Variants in STAG1 observed in about 807,000 individuals in gnomAD.
STAG1 encodes cohesin subunit SA-1.
Under a neutral mutation model 170.9 loss-of-function variants are expected in STAG1, and 26 were observed. That is an observed-to-expected ratio of 0.15 (90% CI 0.11 to 0.21). The LOEUF (loss-of-function observed/expected upper bound fraction) is 0.21, where lower values mean the gene tolerates loss of function less well. STAG1 is among the 10% of genes least tolerant of loss of function. STAG1 has a pLI of 1.00. For synonymous variants in STAG1, 514 were observed against 497.7 expected (o/e 1.03, Z -0.44); for missense variants, 964 against 1,509.5 (o/e 0.64, Z 5.99).
At chr3:136,500,807 G>T (rs1044957762) in intron 8 of STAG1, among the ~76,000 whole-genome samples, 3 of 152,118 alleles carry the variant, frequency 2.0e-5, no homozygotes, top group Non-Finnish European at 4.4e-5. Flanking sequence ...AAGGATCCTG[G>T]CTACTTATGG....
chr3:136,367,038 T>C lies in STAG1; in HGVS notation c.2590A>G (p.Lys864Glu). 1 of 1,611,148 alleles carries C rather than the reference T, an allele frequency of 6.2e-7. No homozygotes were observed. Among genetic ancestry groups the C allele is most frequent in the Non-Finnish European group, 8.5e-7 (1 of 1,177,958 alleles). The change falls in exon 25 of 34, where the codon AAA becomes GAA. Residue 864 changes from lysine to glutamate, a missense_variant. Lys to Glu is a moderately conservative substitution (Grantham distance 56, BLOSUM62 1). Transcript: ENST00000383202. The part of the protein sequence containing the change: ...DEANKIEALH[K>E]RRNLLAAFSK... ...AAAGCAGCAAGTAGATTCCTTCTTT[T>C]ATGTAAGGCCTCAATTTTATTAGCT...
chr3:136,409,257 CTG>C (rs1256686404), intron 21 of STAG1, among the ~76,000 whole-genome samples: 1 of 152,092 alleles, frequency 6.6e-6, no homozygotes, highest in East Asian at 1.9e-4. Flanking sequence ...GCACAAGACT[CTG>C]TCTCCAAAAA....
At chr3:136,515,842 C>T (rs1190455530) in intron 7 of STAG1, among the ~76,000 whole-genome samples, 3 of 152,046 alleles carry the variant, frequency 2.0e-5, no homozygotes, top group Non-Finnish European at 2.9e-5. Flanking sequence ...ATTTCACCAA[C>T]TATTGGGCAT....
intron 3 of STAG1, among the ~76,000 whole-genome samples, chr3:136,614,789 A>G (rs1939498174): frequency 6.6e-6 from 1 of 151,298 alleles, no homozygotes; most frequent in Admixed American, 6.6e-5. Flanking sequence ...AAGTTTTAAG[A>G]AACAAAGATA....
intron 3 of STAG1, among the ~76,000 whole-genome samples, chr3:136,618,315 G>T (rs1939688206): frequency 6.6e-6 from 1 of 152,206 alleles, no homozygotes; most frequent in Non-Finnish European, 1.5e-5. Context: ...TGACACAGCA[G>T]CAGGCGCCAC....
chr3:136,467,473 T>A (rs1576497443), intron 12 of STAG1, among the ~76,000 whole-genome samples: 1 of 152,080 alleles, frequency 6.6e-6, no homozygotes, highest in South Asian at 2.1e-4. Context: ...CCTAAATATA[T>A]ATGCACCCAA....
At chr3:136,478,058 G>A (rs1037465175) in intron 9 of STAG1, among the ~76,000 whole-genome samples, 1 of 152,140 alleles carries the variant, frequency 6.6e-6, no homozygotes, top group Non-Finnish European at 1.5e-5. Context: ...CCAAAGTGCT[G>A]GGATTACACG....
intron 1 of STAG1, among the ~76,000 whole-genome samples, chr3:136,634,290 G>A (rs1940461148): frequency 6.6e-6 from 1 of 151,970 alleles, no homozygotes; most frequent in African/African-American, 2.4e-5. Context: ...CTAGGAGGTT[G>A]AGGCTACAGT....
At chr3:136,533,714 C>A (rs1035765568) in intron 6 of STAG1, among the ~76,000 whole-genome samples, 2 of 152,180 alleles carry the variant, frequency 1.3e-5, no homozygotes, top group Non-Finnish European at 2.9e-5. Flanking sequence ...CAAACACTTC[C>A]CACCAGGCCC....
intron 22 of STAG1, among the ~76,000 whole-genome samples, chr3:136,394,101 T>C (rs569816531): frequency 7.0e-4 from 107 of 152,106 alleles, no homozygotes; most frequent in Non-Finnish European, 1.3e-3. Flanking sequence ...AGAGACGGGG[T>C]TTCGCCATGT....
chr3:136,529,333 G>C (rs78681909), intron 6 of STAG1, among the ~76,000 whole-genome samples: 1 of 152,194 alleles, frequency 6.6e-6, no homozygotes, highest in Non-Finnish European at 1.5e-5. Context: ...TTCATGGCAC[G>C]TTATAGTCAA....
At chr3:136,503,461 A>C (rs1214770032) in intron 7 of STAG1, among the ~76,000 whole-genome samples, 1 of 152,224 alleles carries the variant, frequency 6.6e-6, no homozygotes, top group Admixed American at 6.5e-5. Context: ...TCCTCTGACA[A>C]ACAGGTATGA....
chr3:136,344,093 C>A (rs1936117391), intron 29 of STAG1, 87 bp from the exon 30 acceptor site: 1 of 1,005,062 alleles, frequency 9.9e-7, no homozygotes. Context: ...AAGAGTGTGG[C>A]TCTGCAGTCA....
Position 136,604,451 on chromosome 3 carries a change from T to C in STAG1, c.155A>G (p.Lys52Arg), listed in dbSNP as rs1191391319. Residue 52 changes from lysine (K) to arginine (R), a missense_variant, in exon 4 of 34, where the codon AAA becomes AGA. Lys to Arg is a conservative substitution (Grantham distance 26). Transcript: ENST00000383202. ...RPPSTNKKPR[K>R]SPGEKSRIEA... ...AATTCTGCTCTTCTCACCTGGAGATTTTCGAGGTTTCTTATTTGTAGACTG... is the reference window on the plus strand; with the variant it reads ...AATTCTGCTCTTCTCACCTGGAGATCTTCGAGGTTTCTTATTTGTAGACTG... 1 of 1,600,662 alleles carries C rather than the reference T, an allele frequency of 6.2e-7. No individual in the cohort carries two copies. Among genetic ancestry groups the C allele is most frequent in the Admixed American group, 1.8e-5 (1 of 55,972 alleles).
At chr3:136,680,951 A>G (rs1194273057) in intron 1 of STAG1, among the ~76,000 whole-genome samples, 6 of 145,576 alleles carry the variant, frequency 4.1e-5, no homozygotes, top group Non-Finnish European at 7.5e-5. Flanking sequence ...AAAATGATGT[A>G]GTATTTGCAT....
At chr3:136,419,240 GA>G (rs2087874225) in intron 20 of STAG1, among the ~76,000 whole-genome samples, 1 of 149,540 alleles carries the variant, frequency 6.7e-6, no homozygotes, top group African/African-American at 2.5e-5. Context: ...CTTTTCTAGG[GA>G]ATTCTAAAAA....
chr3:136,443,518 T>C (rs2088691015), intron 14 of STAG1, 114 bp from the exon 15 acceptor site: 1 of 708,408 alleles, frequency 1.4e-6, no homozygotes, highest in Non-Finnish European at 2.3e-6. Context: ...TTTCCATGAT[T>C]CTAAAAACCA....
chr3:136,553,245 T>A (rs1251007208), intron 5 of STAG1, among the ~76,000 whole-genome samples: 2 of 152,160 alleles, frequency 1.3e-5, no homozygotes. Context: ...GGGGGGATAT[T>A]ATTCAGAAAG....
chr3:136,350,096 T>C (rs1936379463), intron 28 of STAG1, among the ~76,000 whole-genome samples: 1 of 151,790 alleles, frequency 6.6e-6, no homozygotes, highest in African/African-American at 2.4e-5. Flanking sequence ...GCCAAGACCG[T>C]GCCACTGCAC....
Sources: gnomAD v4.1 joint callset for allele counts (sites outside exome capture counted in the v4.1 genomes callset) on GRCh38, gnomAD v4.1.1 for gene constraint, MANE v1.5 for transcripts, NCBI Gene and HGNC (gene_info 2026-07-23, HGNC 2026-07-21) for gene names.